Variants in IGF2BP2 observed in about 807,000 individuals in gnomAD.
The protein encoded by IGF2BP2 is insulin-like growth factor 2 mRNA-binding protein 2.
In IGF2BP2, 17 loss-of-function variants were observed where a neutral mutation model predicts 75.8. The ratio of observed to expected loss-of-function variants is 0.22; its 90% CI spans 0.15 to 0.34. IGF2BP2 has a LOEUF of 0.34. IGF2BP2 is among the 10% of genes least tolerant of loss of function. The pLI is 1.00. For missense variants in IGF2BP2, 516 were observed against 772.4 expected (o/e 0.67, Z 3.93); for synonymous variants, 288 against 295.6 (o/e 0.97, Z 0.26).
intron 10 of IGF2BP2, among the ~76,000 whole-genome samples, chr3:185,670,877 C>A (rs1718401319): frequency 6.6e-6 from 1 of 152,136 alleles, no homozygotes; most frequent in Non-Finnish European, 1.5e-5. Context: ...GCCTAGATTA[C>A]CGATTTTAGA....
intron 7 of IGF2BP2, among the ~76,000 whole-genome samples, chr3:185,685,089 T>C (rs1720926379): frequency 6.6e-6 from 1 of 152,182 alleles, no homozygotes; most frequent in African/African-American, 2.4e-5. Context: ...GGCTCACACC[T>C]GTAATCCCAG....
chr3:185,756,435 T>C (rs1484838835), intron 2 of IGF2BP2, among the ~76,000 whole-genome samples: 1 of 152,178 alleles, frequency 6.6e-6, no homozygotes, highest in East Asian at 1.9e-4. Flanking sequence ...TGATCTTTGA[T>C]TATTCCTCTT....
chr3:185,810,993 A>AT (rs1451779025), intron 2 of IGF2BP2, among the ~76,000 whole-genome samples: 2 of 151,968 alleles, frequency 1.3e-5, no homozygotes, highest in African/African-American at 4.8e-5. Flanking sequence ...ATAGAGGCTT[A>AT]TTTTTTTCAT....
chr3:185,785,142 A>T (rs1415743170), intron 2 of IGF2BP2, among the ~76,000 whole-genome samples: 1 of 151,998 alleles, frequency 6.6e-6, no homozygotes, highest in African/African-American at 2.4e-5. Context: ...CTCTACTAAA[A>T]ATACAAAAAT....
chr3:185,764,224 GA>G (rs899445749), intron 2 of IGF2BP2, among the ~76,000 whole-genome samples: 40 of 150,106 alleles, frequency 2.7e-4, no homozygotes, highest in Admixed American at 2.0e-4. Flanking sequence ...TCATCACTCA[GA>G]AAAAAAAAAT....
chr3:185,801,859 C>T (rs916955692), intron 2 of IGF2BP2, among the ~76,000 whole-genome samples: 1 of 152,044 alleles, frequency 6.6e-6, no homozygotes, highest in Non-Finnish European at 1.5e-5. Flanking sequence ...AGTTCATATC[C>T]TTTGCAGGGA....
intron 10 of IGF2BP2, among the ~76,000 whole-genome samples, chr3:185,666,005 GATA>G (rs1400451433): frequency 4.0e-4 from 7 of 17,542 alleles, no homozygotes; most frequent in Non-Finnish European, 8.0e-4. Context: ...TAGGTACATA[GATA>G]GATAGATAGA....
At chr3:185,729,957 T>C (rs1234317627) in intron 2 of IGF2BP2, among the ~76,000 whole-genome samples, 1 of 152,188 alleles carries the variant, frequency 6.6e-6, no homozygotes, top group Non-Finnish European at 1.5e-5. Flanking sequence ...CTCGCTAAGA[T>C]TTTTAGACTT....
chr3:185,802,944 A>C (rs6767577), intron 2 of IGF2BP2, among the ~76,000 whole-genome samples: 39,208 of 152,242 alleles, frequency 0.26, 5,104 homozygotes, highest in African/African-American at 0.28. Context: ...TGACAAATGT[A>C]GTTTGCTAGA....
chr3:185,684,236 T>C (rs1049479310), intron 7 of IGF2BP2, among the ~76,000 whole-genome samples: 8 of 152,084 alleles, frequency 5.3e-5, no homozygotes, highest in African/African-American at 1.9e-4. Flanking sequence ...GGATCTCTGT[T>C]CTCCTATATC....
intron 10 of IGF2BP2, among the ~76,000 whole-genome samples, chr3:185,661,501 G>A (rs1466877508): frequency 2.6e-5 from 4 of 151,986 alleles, no homozygotes; most frequent in Non-Finnish European, 5.9e-5. Flanking sequence ...GCCGGGCGTG[G>A]TGGTGGACAC....
At chr3:185,749,637 C>A (rs2149619388) in intron 2 of IGF2BP2, among the ~76,000 whole-genome samples, 1 of 152,310 alleles carries the variant, frequency 6.6e-6, no homozygotes, top group South Asian at 2.1e-4. Flanking sequence ...ATAAGCTTCT[C>A]TTTTCTGGAC....
chr3:185,764,191 AAT>A (rs150061867), intron 2 of IGF2BP2, among the ~76,000 whole-genome samples: 27,619 of 152,086 alleles, frequency 0.18, 2,994 homozygotes, highest in Middle Eastern at 0.29. Flanking sequence ...CCATAAAGTA[AAT>A]AAAAATTATC....
At chr3:185,786,359 A>G (rs924084255) in intron 2 of IGF2BP2, among the ~76,000 whole-genome samples, 3 of 152,174 alleles carry the variant, frequency 2.0e-5, no homozygotes, top group Admixed American at 1.3e-4. Flanking sequence ...ACCTGCACGT[A>G]TATGTCCACA....
chr3:185,729,442 T>C (rs558686028), intron 2 of IGF2BP2, among the ~76,000 whole-genome samples: 1 of 152,328 alleles, frequency 6.6e-6, no homozygotes, highest in Non-Finnish European at 1.5e-5. Context: ...TCTTAAGAAC[T>C]AGAATTTTGG....
chr3:185,811,200 A>G (rs2150010391), intron 2 of IGF2BP2, among the ~76,000 whole-genome samples: 1 of 152,292 alleles, frequency 6.6e-6, no homozygotes, highest in East Asian at 1.9e-4. Flanking sequence ...AGGTAAAATA[A>G]TAACTGATGA....
chr3:185,784,320 G>A (rs1007849109), intron 2 of IGF2BP2, among the ~76,000 whole-genome samples: 1 of 151,932 alleles, frequency 6.6e-6, no homozygotes, highest in Non-Finnish European at 1.5e-5. Context: ...CACTTTGATC[G>A]AAACATCCTC....
intron 2 of IGF2BP2, among the ~76,000 whole-genome samples, chr3:185,772,078 G>C (rs988821270): frequency 2.6e-5 from 4 of 152,126 alleles, no homozygotes; most frequent in African/African-American, 7.2e-5. Context: ...AAAGGCTCTA[G>C]ATAATACATT....
chr3:185,799,546 AGACCATCCTG>A (rs1737903935), intron 2 of IGF2BP2, among the ~76,000 whole-genome samples: 1 of 152,186 alleles, frequency 6.6e-6, no homozygotes, highest in Admixed American at 6.5e-5. Flanking sequence ...CAGGAGACCG[AGACCATCCTG>A]GCTAACACGG....
Sources: allele counts gnomAD v4.1 joint callset (sites outside exome capture counted in the v4.1 genomes callset), GRCh38; gene constraint gnomAD v4.1.1; transcripts MANE v1.5; gene names NCBI Gene and HGNC (gene_info 2026-07-23, HGNC 2026-07-21).